Variants in IST1 observed in about 807,000 individuals in gnomAD.
IST1 encodes IST1 homolog.
Under a neutral mutation model 37.0 loss-of-function variants are expected in IST1, and 23 were observed. The observed-to-expected ratio is 0.62, with a 90% CI of 0.45 to 0.88. IST1 has a LOEUF of 0.88. IST1 is among the 40% of genes least tolerant of loss of function. The pLI is 0.00. For synonymous variants in IST1, 180 were observed against 161.7 expected (o/e 1.11, Z -0.86); for missense variants, 488 against 445.4 (o/e 1.10, Z -0.86).
intron 1 of IST1, among the ~76,000 whole-genome samples, chr16:71,899,915 C>T (rs865845170): frequency 5.3e-4 from 78 of 147,604 alleles, no homozygotes; most frequent in East Asian, 2.8e-3. Context: ...CCCAGCTACT[C>T]GGGAGGCTGA....
At chr16:71,902,755 G>A (rs999784910) in intron 1 of IST1, among the ~76,000 whole-genome samples, 1 of 151,980 alleles carries the variant, frequency 6.6e-6, no homozygotes, top group Non-Finnish European at 1.5e-5. Flanking sequence ...CCCTTTCATC[G>A]CTGATACTGA....
intron 1 of IST1, among the ~76,000 whole-genome samples, chr16:71,901,041 A>T (rs760025092): frequency 1.3e-5 from 2 of 152,198 alleles, no homozygotes; most frequent in Non-Finnish European, 2.9e-5. Flanking sequence ...AAATTTGTTT[A>T]TGTTTGTTAA....
intron 5 of IST1, chr16:71,921,035 C>T (rs2037568193): frequency 1.6e-6 from 1 of 621,482 alleles, no homozygotes; most frequent in Non-Finnish European, 2.9e-6. Flanking sequence ...TCCACTTCCC[C>T]ACTTTGTATG....
intron 1 of IST1, among the ~76,000 whole-genome samples, chr16:71,907,318 C>A (rs2037246963): frequency 6.7e-6 from 1 of 149,848 alleles, no homozygotes; most frequent in African/African-American, 2.5e-5. Context: ...CTCTCTGTCG[C>A]CCATGCTGGA....
intron 1 of IST1, among the ~76,000 whole-genome samples, chr16:71,902,728 A>C (rs2037135223): frequency 6.6e-6 from 1 of 152,144 alleles, no homozygotes; most frequent in African/African-American, 2.4e-5. Context: ...AGTCTTTAGA[A>C]TCTGTAGTGA....
Position 71,929,611 on chromosome 16 carries a change from T to G in IST1, c.*1798T>G, listed in dbSNP as rs2037846470. On this transcript the variant is annotated 3_prime_UTR_variant, in exon 10 of 10. Transcript: ENST00000378799. ...GGCTGCTTGCTCAGATGAGGTTTTT[T>G]GGGGCCAACTGATTCCTAACAAATT... 2.6e-6 allele frequency: 4 copies of G among 1,551,744 alleles called. No homozygotes were observed. Among genetic ancestry groups the G allele is most frequent in the East Asian group, 2.4e-5 (1 of 40,938 alleles).
chr16:71,906,167 C>G (rs1843526693), intron 1 of IST1, among the ~76,000 whole-genome samples: 1 of 151,816 alleles, frequency 6.6e-6, no homozygotes, highest in African/African-American at 2.4e-5. Context: ...CTGCGCCCAG[C>G]TGATTTTTTG....
rs771202323 is a variant in IST1 at position 71,929,708 on chromosome 16, G to A, written c.*1895G>A. 4.1e-5 allele frequency: 61 copies of A among 1,501,326 alleles called. 1 individual carries two copies. Among genetic ancestry groups the A allele is most frequent in the Admixed American group, 3.7e-4 (15 of 40,194 alleles). The allele number at this position is 1,501,326 out of a possible 1,614,324, so 93.0% of individuals were successfully genotyped here. Reference sequence around the variant, plus strand: ...GTATTGAAGACAAAAAGAGAAAAGTGAGAAAATTGAAATTACTGCTAATAG... The same window carrying A: ...GTATTGAAGACAAAAAGAGAAAAGTAAGAAAATTGAAATTACTGCTAATAG... On this transcript the variant is annotated 3_prime_UTR_variant, in exon 10 of 10. Transcript: ENST00000378799.
chr16:71,912,079 C>T (rs552207515), intron 1 of IST1, among the ~76,000 whole-genome samples: 1 of 152,136 alleles, frequency 6.6e-6, no homozygotes, highest in East Asian at 1.9e-4. Flanking sequence ...TGAGAATGCA[C>T]CAGTTTTCTC....
chr16:71,928,186 A>G lies in IST1; in HGVS notation c.*373A>G, dbSNP rs1454706902. 2 of 273,290 alleles carry G rather than the reference A, an allele frequency of 7.3e-6. No homozygotes were observed. Among genetic ancestry groups the G allele is most frequent in the Non-Finnish European group, 1.4e-5 (2 of 139,956 alleles). The allele number at this position is 273,290 out of a possible 1,614,324, so 16.9% of individuals were successfully genotyped here. On this transcript the variant is annotated 3_prime_UTR_variant, in exon 10 of 10. Transcript: ENST00000378799. ...GACAGTGGGAGAGAGCACGTTGTGA[A>G]GCATCCCAGCCTCGTGTTGAGGTTC...
intron 6 of IST1, chr16:71,921,832 T>TA (rs1049866305): frequency 7.0e-5 from 14 of 198,742 alleles, no homozygotes; most frequent in Admixed American, 2.6e-4. Flanking sequence ...GATACAGGGA[T>TA]AAAAAATCAT....
intron 5 of IST1, 149 bp downstream of exon 5, chr16:71,920,971 G>C (rs368162018): frequency 2.8e-6 from 2 of 702,626 alleles, no homozygotes; most frequent in Non-Finnish European, 2.6e-6. Context: ...GTGGCTGGCA[G>C]TGTGGTCCAA....
At chr16:71,919,897 G>A (rs1191833950) in intron 4 of IST1, among the ~76,000 whole-genome samples, 1 of 152,192 alleles carries the variant, frequency 6.6e-6, no homozygotes, top group African/African-American at 2.4e-5. Flanking sequence ...CAGAGAAATA[G>A]CACTCAAATA....
rs192180436 is a variant in IST1, at chr16:71,905,303, C to T, written c.-16+9714C>T. On this transcript the variant is annotated intron_variant, in intron 1 of 9. Coordinates refer to ENST00000378799, the MANE Select transcript of IST1 (RefSeq NM_001270975.2). ...CCCACCTTGCCCTCCCAAAGTGCTG[C>T]GATTATGGGCATGAGCCACCATGCC... Among the ~76,000 whole-genome samples, 25 of 149,988 alleles carry T rather than the reference C, an allele frequency of 1.7e-4. 1 individual carries two copies. Among genetic ancestry groups the T allele is most frequent in the African/African-American group, 4.9e-4 (20 of 40,796 alleles).
rs541849562 is a variant in IST1 at position 71,930,409 on chromosome 16, A to C, written c.*2596A>C. On this transcript the variant is annotated 3_prime_UTR_variant, in exon 10 of 10. Transcript: ENST00000378799. ...AGATAATTGTGACTGCAGGGCTTTCACAAGAAAACAGGTGAGTTGCAGTGG... is the reference window on the plus strand; with the variant it reads ...AGATAATTGTGACTGCAGGGCTTTCCCAAGAAAACAGGTGAGTTGCAGTGG... 1.1e-5 allele frequency: 4 copies of C among 362,836 alleles called. No individual in the cohort carries two copies. In the East Asian group the frequency reaches 1.7e-4, roughly 15 times the overall value. The allele number at this position is 362,836 out of a possible 1,614,324, so 22.5% of individuals were successfully genotyped here.
chr16:71,900,166 CAAAAA>C (rs59470234), intron 1 of IST1, among the ~76,000 whole-genome samples: 1 of 126,780 alleles, frequency 7.9e-6, no homozygotes, highest in African/African-American at 2.9e-5. Context: ...AACTCGGTCT[CAAAAA>C]AAAAAAAAAA....
chr16:71,929,728 T>C lies in IST1; in HGVS notation c.*1915T>C, dbSNP rs2037855735. 3 of 1,441,244 alleles carry C rather than the reference T, an allele frequency of 2.1e-6. No individual in the cohort carries two copies. The East Asian group carries it at 7.5e-5, about 36-fold the overall frequency. The allele number at this position is 1,441,244 out of a possible 1,614,324, so 89.3% of individuals were successfully genotyped here. A position where few individuals can be genotyped will look rare whatever the true frequency, so the allele number is the denominator to read the frequency against. On this transcript the variant is annotated 3_prime_UTR_variant, in exon 10 of 10. Transcript: ENST00000378799. Reference sequence around the variant, plus strand: ...AAAGTGAGAAAATTGAAATTACTGCTAATAGTGGAGTAAAAAAAGTACCAA... The same window carrying C: ...AAAGTGAGAAAATTGAAATTACTGCCAATAGTGGAGTAAAAAAAGTACCAA...
rs1474969589 is a variant in IST1, at chr16:71,916,666, C to G, written c.269+24C>G. ...AAGTAAGATATTTTGATTCAGAGAC[C>G]TAAATCATTTCTGGAATTTGAGAAA... On this transcript the variant is annotated intron_variant, in intron 3 of 9. Coordinates refer to ENST00000378799, the MANE Select transcript of IST1 (RefSeq NM_001270975.2). 5 of 1,584,816 alleles carry G rather than the reference C, an allele frequency of 3.2e-6. 1 individual carries two copies. The East Asian group carries it at 1.1e-4, about 36-fold the overall frequency.
chr16:71,921,521 A>G, intron 6 of IST1, 68 bp downstream of exon 6: 1 of 844,354 alleles, frequency 1.2e-6, no homozygotes, highest in Non-Finnish European at 1.8e-6. Context: ...AAACAAAAAA[A>G]ACATTCTTTG....
Sources: gnomAD v4.1 joint callset for allele counts (sites outside exome capture counted in the v4.1 genomes callset) on GRCh38, gnomAD v4.1.1 for gene constraint, MANE v1.5 for transcripts, NCBI Gene and HGNC (gene_info 2026-07-23, HGNC 2026-07-21) for gene names.